The following SON variants were observed in gnomAD, a reference collection of about 807,000 sequenced individuals.
The protein encoded by SON is protein SON.
A neutral mutation model predicts 173.3 loss-of-function variants in SON; 4 were observed. That is an observed-to-expected ratio of 0.02 (90% CI 0.01 to 0.05). The LOEUF is 0.05. SON is among the 10% of genes least tolerant of loss of function. The pLI is 1.00. For synonymous variants in SON, 1,190 were observed against 1,105.9 expected (o/e 1.08, Z -1.51); for missense variants, 2,626 against 3,055.3 (o/e 0.86, Z 3.31).
Position 33,551,310 on chromosome 21 carries a change from T to C in SON, c.2079T>C (p.Thr693=). ...ATACGGTAGCACAGGAGCTGCCTACTACATTAGTGGGGGAGACTTCTGTAA... is the reference window on the plus strand; with the variant it reads ...ATACGGTAGCACAGGAGCTGCCTACCACATTAGTGGGGGAGACTTCTGTAA... ...SYNTVAQELP[T]TLVGETSVTV... Residue 693 remains threonine (T), a synonymous_variant, in exon 3 of 12, where the codon ACT becomes ACC. Transcript: ENST00000356577. 4 of 1,614,110 alleles carry C rather than the reference T, an allele frequency of 2.5e-6. No homozygotes were observed. The highest frequency in any genetic ancestry group is 3.4e-6 in the Non-Finnish European group (4 of 1,179,990).
chr21:33,562,119 G>A (rs1214845840), intron 6 of SON, among the ~76,000 whole-genome samples: 2 of 152,134 alleles, frequency 1.3e-5, no homozygotes, highest in Non-Finnish European at 1.5e-5. Context: ...AGAGGAAATA[G>A]TCACAATTTA....
rs768215782 is a variant in SON at position 33,553,189 on chromosome 21, C to T, written c.3958C>T (p.His1320Tyr). The change falls in exon 3 of 12, where the codon CAT becomes TAT. Residue 1320 changes from histidine (H) to tyrosine (Y), a missense_variant. His to Tyr is a moderately conservative substitution (Grantham distance 83). Coordinates refer to ENST00000356577, the MANE Select transcript of SON (RefSeq NM_138927.4). ...ETFDSMRASGHVASEVSTSLL... is the reference protein window; with the variant it reads ...ETFDSMRASGYVASEVSTSLL... ...ATTTGATTCCATGAGAGCCTCAGGA[C>T]ATGTTGCCTCAGAAGTATCTACATC... 2 of 1,614,026 alleles carry T rather than the reference C, an allele frequency of 1.2e-6. No homozygotes were observed. Among genetic ancestry groups the T allele is most frequent in the Admixed American group, 1.7e-5 (1 of 60,006 alleles).
Position 33,553,213 on chromosome 21 carries a change from T to C in SON, c.3982T>C (p.Ser1328Pro). Residue 1328 changes from serine (S) to proline (P), a missense_variant, in exon 3 of 12, where the codon TCC (serine) becomes CCC (proline). By Grantham distance (74) the Ser-to-Pro change is moderately conservative (BLOSUM62 -1). Around this residue, in one of 13 missense-constraint regions of SON, gnomAD observed 1,006 missense variants for 895.6 expected, o/e 1.12. Coordinates refer to ENST00000356577, the MANE Select transcript of SON (RefSeq NM_138927.4). ...ACATGTTGCCTCAGAAGTATCTACA[T>C]CCTTGTTGGTTCCAGCAGTAACTAC... ...SGHVASEVST[S>P]LLVPAVTTPV... 1 of 1,614,172 alleles carries C rather than the reference T, an allele frequency of 6.2e-7. No homozygotes were observed. Among genetic ancestry groups the C allele is most frequent in the Non-Finnish European group, 8.5e-7 (1 of 1,180,038 alleles).
chr21:33,567,356 G>T, intron 7 of SON, 89 bp downstream of exon 7: 1 of 753,246 alleles, frequency 1.3e-6, no homozygotes, highest in East Asian at 2.6e-5. Flanking sequence ...TAAGAATTTT[G>T]CTAACTAGAT....
In SON at chr21:33,550,517, G is replaced by A. The variant is rs955724392; in HGVS notation, c.1286G>A (p.Gly429Glu). 3 of 1,613,840 alleles carry A rather than the reference G, an allele frequency of 1.9e-6. No individual in the cohort carries two copies. The highest frequency in any genetic ancestry group is 2.5e-6 in the Non-Finnish European group (3 of 1,179,894). The change falls in exon 3 of 12, where the codon GGG becomes GAG. Residue 429 changes from glycine (G) to glutamate (E), a missense_variant. Around this residue, in one of 13 missense-constraint regions of SON, gnomAD observed 757 missense variants for 730.1 expected, o/e 1.04. Transcript: ENST00000356577. ...PLSTPVPELPGPPATAVPELP... is the reference protein window; with the variant it reads ...PLSTPVPELPEPPATAVPELP... ...TCTACCCCAGTGCCTGAGTTGCCAG[G>A]GCCCCCTGCGACAGCAGTGCCTGAG...
rs2085830817 is a variant in SON, at chr21:33,552,599, C to T, written c.3368C>T (p.Ser1123Leu). The change falls in exon 3 of 12, where the codon TCA becomes TTA. Residue 1123 changes from serine to leucine, a missense_variant. Coordinates refer to ENST00000356577, the MANE Select transcript of SON (RefSeq NM_138927.4). This position sits in a 1 kb window ranked among gnomAD's most constrained non-coding sequence, Gnocchi z 5.6. ...SMMSSYTADR[S>L]MMSMAADSYT... ...ATGTCATCTTATACTGCTGATCGTT[C>T]AATGATGTCTATGGCTGCTGATTCT... The T allele has an allele frequency of 6.2e-7, 1 of 1,613,966 alleles. No individual in the cohort carries two copies. The highest frequency in any genetic ancestry group is 8.5e-7 in the Non-Finnish European group (1 of 1,180,022).
rs2086382480 is a variant in SON, at chr21:33,575,617, G to A, written c.7055G>A (p.Arg2352Lys). 1 of 1,611,046 alleles carries A rather than the reference G, an allele frequency of 6.2e-7. No homozygotes were observed. The highest frequency in any genetic ancestry group is 1.3e-5 in the African/African-American group (1 of 74,730). ...DRKGLVAVGE[R>K]AQKRSGNFSA... is the part of the protein sequence containing the mutation. ...AAAGGTCTTGTTGCAGTAGGAGAAA[G>A]AGCACAAAAGAGGTCTGGGAACTTC... The change falls in exon 10 of 12, where the codon AGA becomes AAA. Residue 2352 changes from arginine to lysine, a missense_variant. This residue lies in a region of SON where 9 missense variants were observed against 100.5 expected (regional missense o/e 0.09). Coordinates refer to ENST00000356577, the MANE Select transcript of SON (RefSeq NM_138927.4).
At position 33,554,991 on chromosome 21, in the gene SON, T is replaced by C; in HGVS notation, c.5760T>C (p.Ala1920=). 3.1e-6 allele frequency: 5 copies of C among 1,613,554 alleles called. No homozygotes were observed. The highest frequency in any genetic ancestry group is 4.2e-6 in the Non-Finnish European group (5 of 1,179,986). Reference sequence around the variant, plus strand: ...GGGATAACCGAAAGACAGTTAGAGCTCGAAGTCGAACCCCAAGTCGTCGGA... The same window carrying C: ...GGGATAACCGAAAGACAGTTAGAGCCCGAAGTCGAACCCCAAGTCGTCGGA... ...SSRDNRKTVR[A]RSRTPSRRSR... Residue 1920 remains alanine, a synonymous_variant, in exon 3 of 12, where the codon GCT becomes GCC. Transcript: ENST00000356577.
In SON at chr21:33,559,206, TTTTG is replaced by T. The variant is rs541365711; in HGVS notation, c.6322-16_6322-13del. ...TTCTACATAAAGCGTAAGATTTATC[TTTTG>T]TTTGTTTTTACTTTTAAAGAAATGT... On this transcript the variant is annotated intron_variant, in intron 4 of 11. Coordinates refer to ENST00000356577, the MANE Select transcript of SON (RefSeq NM_138927.4). The surrounding 1 kb of genome is among the most constrained non-coding windows in gnomAD (Gnocchi z 4.1). 1.7e-4 allele frequency: 258 copies of T among 1,510,526 alleles called. No individual in the cohort carries two copies. Among genetic ancestry groups the T allele is most frequent in the South Asian group, 5.5e-4 (43 of 77,908 alleles). The allele number at this position is 1,510,526 out of a possible 1,614,324, so 93.6% of individuals were successfully genotyped here. A position where few individuals can be genotyped will look rare whatever the true frequency, so the allele number is the denominator to read the frequency against.
intron 8 of SON, chr21:33,573,078 A>G (rs1289693921): frequency 2.5e-6 from 1 of 395,082 alleles, no homozygotes. Flanking sequence ...TACTGTTTCA[A>G]AACTGCCATT....
At position 33,559,079 on chromosome 21, in the gene SON, A is replaced by ATAG; in HGVS notation, c.6322-146_6322-144dup. ...GACTGACCAGCCAGAGTGTGTTTAA[A>ATAG]TAGTAGTTAATATGCCAAGTTACGT... On this transcript the variant is annotated intron_variant, in intron 4 of 11. Transcript: ENST00000356577. This position sits in a 1 kb window ranked among gnomAD's most constrained non-coding sequence, Gnocchi z 4.1. 1.8e-6 allele frequency: 1 copy of ATAG among 554,792 alleles called. No individual in the cohort carries two copies. The highest frequency in any genetic ancestry group is 3.8e-5 in the Admixed American group (1 of 26,666). 34.4% of individuals were successfully genotyped at this position (554,792 alleles called of 1,614,324 possible).
intron 6 of SON, among the ~76,000 whole-genome samples, chr21:33,564,878 A>AT (rs1229383526): frequency 2.0e-5 from 3 of 151,796 alleles, no homozygotes; most frequent in African/African-American, 4.8e-5. Context: ...AAAAAAAAAA[A>AT]AAATGAAACC....
intron 3 of SON, among the ~76,000 whole-genome samples, chr21:33,556,262 A>C (rs1306943037): frequency 6.6e-6 from 1 of 152,342 alleles, no homozygotes; most frequent in South Asian, 2.1e-4. Context: ...TGGAGGAGAC[A>C]TGGGTAAAAT....
chr21:33,571,268 G>A (rs2086278711), intron 8 of SON, among the ~76,000 whole-genome samples: 1 of 152,192 alleles, frequency 6.6e-6, no homozygotes, highest in Admixed American at 6.5e-5. Flanking sequence ...ACATGTAGAA[G>A]TCATTAGGCA....
chr21:33,568,880 C>T, intron 7 of SON, 91 bp from the exon 8 acceptor site: 1 of 709,942 alleles, frequency 1.4e-6, no homozygotes, highest in East Asian at 2.6e-5. Flanking sequence ...ATATTTAAGT[C>T]TGCTTTTCAG....
intron 3 of SON, 63 bp from the exon 4 acceptor site, chr21:33,557,093 T>C: frequency 6.7e-7 from 1 of 1,493,552 alleles, no homozygotes; most frequent in East Asian, 2.3e-5. Context: ...TATGTTAGAC[T>C]TTTGGTAATA....
chr21:33,549,963 C>T lies in SON; in HGVS notation c.732C>T (p.Ser244=), dbSNP rs1300380578. 4 of 1,614,156 alleles carry T rather than the reference C, an allele frequency of 2.5e-6. No homozygotes were observed. Among genetic ancestry groups the T allele is most frequent in the Non-Finnish European group, 3.4e-6 (4 of 1,180,032 alleles). Residue 244 remains serine (S), a synonymous_variant, in exon 3 of 12, where the codon TCC becomes TCT. Coordinates refer to ENST00000356577, the MANE Select transcript of SON (RefSeq NM_138927.4). ...CATCCATGACAAAGATTCTGGATTC[C>T]TTTGCAGCAGCACCAGTGCCTACTA... ...PEPSMTKILD[S]FAAAPVPTTT...
In SON at chr21:33,549,977, C is replaced by T. The variant is rs200599715; in HGVS notation, c.746C>T (p.Pro249Leu). Reference protein sequence around the residue: ...TKILDSFAAAPVPTTTLVLKS... With the variant: ...TKILDSFAAALVPTTTLVLKS... ...ATTCTGGATTCCTTTGCAGCAGCAC[C>T]AGTGCCTACTACAACACTGGTGTTG... Residue 249 changes from proline (P) to leucine (L), a missense_variant, in exon 3 of 12, where the codon CCA becomes CTA. By Grantham distance (98) the Pro-to-Leu change is moderately conservative. Transcript: ENST00000356577. 1 of 1,613,984 alleles carries T rather than the reference C, an allele frequency of 6.2e-7. No individual in the cohort carries two copies. Among genetic ancestry groups the T allele is most frequent in the African/African-American group, 1.3e-5 (1 of 74,934 alleles).
rs1440239425 is a variant in SON at position 33,550,877 on chromosome 21, C to T, written c.1646C>T (p.Pro549Leu). 1 of 1,611,818 alleles carries T rather than the reference C, an allele frequency of 6.2e-7. No individual in the cohort carries two copies. Among genetic ancestry groups the T allele is most frequent in the Admixed American group, 1.7e-5 (1 of 59,982 alleles). The change falls in exon 3 of 12, where the codon CCA (proline) becomes CTA (leucine). Residue 549 changes from proline to leucine, a missense_variant. Physicochemically the swap from Pro to Leu is moderately conservative, Grantham distance 98 (BLOSUM62 -3). Around this residue, in one of 13 missense-constraint regions of SON, gnomAD observed 757 missense variants for 730.1 expected, o/e 1.04. Coordinates refer to ENST00000356577, the MANE Select transcript of SON (RefSeq NM_138927.4). ...QPEATMVLEL[P>L]GQPVATTALE... ...GAGGCAACGATGGTGCTGGAGTTGCCAGGACAGCCAGTGGCAACGACAGCG... is the reference window on the plus strand; with the variant it reads ...GAGGCAACGATGGTGCTGGAGTTGCTAGGACAGCCAGTGGCAACGACAGCG...
Sources: allele counts gnomAD v4.1 joint callset (sites outside exome capture counted in the v4.1 genomes callset), GRCh38; gene constraint gnomAD v4.1.1; regional missense constraint gnomAD v4.1.1; non-coding constraint Gnocchi (gnomAD v3.1); transcripts MANE v1.5; gene names NCBI Gene and HGNC (gene_info 2026-07-23, HGNC 2026-07-21).